Variants in GALM observed in about 807,000 individuals in gnomAD.
GALM encodes the protein aldose 1-epimerase.
Under a neutral mutation model 37.4 loss-of-function variants are expected in GALM, and 43 were observed. That is an observed-to-expected ratio of 1.15 (90% CI 0.90 to 1.48). The LOEUF (loss-of-function observed/expected upper bound fraction) is 1.48. Ranked by LOEUF, GALM falls within the 40% of genes most tolerant of loss-of-function variation. The pLI is 0.00. For missense variants in GALM, 456 were observed against 419.1 expected (o/e 1.09, Z -0.77); for synonymous variants, 199 against 170.6 (o/e 1.17, Z -1.30).
intron 4 of GALM, among the ~76,000 whole-genome samples, chr2:38,710,756 T>C (rs539305284): frequency 1.9e-4 from 29 of 149,716 alleles, no homozygotes; most frequent in African/African-American, 5.1e-4. Context: ...TTTCCTTCTT[T>C]TTTTTTTTTT....
chr2:38,722,090 C>A (rs373574478), intron 4 of GALM, among the ~76,000 whole-genome samples: 36 of 123,364 alleles, frequency 2.9e-4, no homozygotes, highest in African/African-American at 1.0e-3. Context: ...CCGGGTGAGG[C>A]GGCTCATGCC....
chr2:38,694,517 A>G (rs533499248), intron 4 of GALM, among the ~76,000 whole-genome samples: 20 of 152,294 alleles, frequency 1.3e-4, no homozygotes, highest in Non-Finnish European at 1.9e-4. Flanking sequence ...AGAGGAAGGA[A>G]GGAAAGGAAA....
At chr2:38,695,279 A>T (rs540306766) in intron 4 of GALM, among the ~76,000 whole-genome samples, 9 of 152,156 alleles carry the variant, frequency 5.9e-5, no homozygotes, top group South Asian at 2.1e-4. Context: ...AAAATTAGCC[A>T]ATCTCACAGC....
intron 6 of GALM, among the ~76,000 whole-genome samples, chr2:38,732,862 T>C (rs1426011304): frequency 1.4e-5 from 2 of 145,986 alleles, no homozygotes; most frequent in African/African-American, 5.2e-5. Flanking sequence ...AAGGCTGCAG[T>C]GAGCCATGAT....
intron 1 of GALM, among the ~76,000 whole-genome samples, chr2:38,670,263 C>T (rs541198718): frequency 5.3e-4 from 81 of 152,208 alleles, no homozygotes; most frequent in Non-Finnish European, 3.2e-4. Context: ...GTATAAACAA[C>T]CTACCCATAC....
chr2:38,678,468 A>AAAT (rs1665312851), intron 2 of GALM, among the ~76,000 whole-genome samples: 1 of 152,222 alleles, frequency 6.6e-6, no homozygotes, highest in African/African-American at 2.4e-5. Context: ...GTTTACACAA[A>AAAT]AATCTTTCCA....
At position 38,734,498 on chromosome 2, in the gene GALM, C is replaced by T. The variant is rs1454384546; in HGVS notation, c.*933C>T. ...TTTGGGTTAACTGAGAAAGCACAGC[C>T]CGGCCAACGCTTGGGAAGAAAGACA... On this transcript the variant is annotated 3_prime_UTR_variant, in exon 7 of 7. Transcript: ENST00000272252. The T allele has an allele frequency of 6.6e-6, 1 of 151,414 alleles. No individual in the cohort carries two copies. The highest frequency in any genetic ancestry group is 1.5e-5 in the Non-Finnish European group (1 of 68,030). The allele number at this position is 151,414 out of a possible 1,614,324, so 9.4% of individuals were successfully genotyped here.
chr2:38,683,731 T>A (rs1665457613), intron 3 of GALM, among the ~76,000 whole-genome samples: 1 of 152,152 alleles, frequency 6.6e-6, no homozygotes, highest in Non-Finnish European at 1.5e-5. Context: ...CACGCCCAGC[T>A]AATTTTTGTA....
chr2:38,673,299 C>T (rs544174229), intron 1 of GALM, among the ~76,000 whole-genome samples: 6 of 152,112 alleles, frequency 3.9e-5, no homozygotes, highest in East Asian at 1.9e-4. Context: ...CAGAGTACCA[C>T]GGGAAAAGGG....
At chr2:38,702,763 T>C (rs1665944552) in intron 4 of GALM, among the ~76,000 whole-genome samples, 1 of 151,572 alleles carries the variant, frequency 6.6e-6, no homozygotes, top group Non-Finnish European at 1.5e-5. Flanking sequence ...GCTAGAAAAC[T>C]AATCTATACT....
intron 3 of GALM, among the ~76,000 whole-genome samples, chr2:38,689,242 C>G (rs971517269): frequency 2.0e-5 from 3 of 152,218 alleles, no homozygotes; most frequent in Non-Finnish European, 4.4e-5. Flanking sequence ...GTACACCAGC[C>G]TTTGACTCCC....
At chr2:38,667,855 T>C (rs1462889150) in intron 1 of GALM, among the ~76,000 whole-genome samples, 2 of 152,130 alleles carry the variant, frequency 1.3e-5, no homozygotes, top group East Asian at 3.9e-4. Context: ...AAAAATATAC[T>C]CTAACCTTTC....
chr2:38,726,513 AC>A (rs1364435486), intron 4 of GALM, among the ~76,000 whole-genome samples: 1 of 151,912 alleles, frequency 6.6e-6, no homozygotes. Flanking sequence ...GGCATGAGCC[AC>A]CCCGCCTGGC....
intron 1 of GALM, among the ~76,000 whole-genome samples, chr2:38,673,004 C>T (rs749056289): frequency 2.0e-5 from 3 of 152,016 alleles, no homozygotes; most frequent in African/African-American, 4.8e-5. Flanking sequence ...AGCAAAACTC[C>T]GTCTCAAAAA....
intron 4 of GALM, among the ~76,000 whole-genome samples, chr2:38,698,597 G>A (rs1665857741): frequency 6.6e-6 from 1 of 151,952 alleles, no homozygotes; most frequent in Non-Finnish European, 1.5e-5. Context: ...TTGGGCATAT[G>A]AGTCCCTCTG....
chr2:38,724,407 A>T (rs1428261198), intron 4 of GALM, among the ~76,000 whole-genome samples: 1 of 152,238 alleles, frequency 6.6e-6, no homozygotes, highest in East Asian at 1.9e-4. Context: ...AGAAGAAATT[A>T]TGTTAGAGAA....
chr2:38,698,469 G>A, intron 4 of GALM: 1 of 1,144,054 alleles, frequency 8.7e-7, no homozygotes, highest in African/African-American at 1.6e-5. Flanking sequence ...GATGTTAGCA[G>A]TTAATTTAGC....
chr2:38,678,433 G>T (rs1473294914), intron 2 of GALM, among the ~76,000 whole-genome samples: 1 of 152,062 alleles, frequency 6.6e-6, no homozygotes, highest in African/African-American at 2.4e-5. Flanking sequence ...CCATAAATAG[G>T]AATTATGCTT....
At position 38,700,602 on chromosome 2, in the gene GALM, G is replaced by A. The variant is rs140427959; in HGVS notation, c.634+10708G>A. Among the ~76,000 whole-genome samples the A allele has an allele frequency of 8.3e-3, 1,261 of 151,896 alleles. 16 individuals carry two copies. The highest frequency in any genetic ancestry group is 0.024 in the African/African-American group (1,003 of 41,404). On this transcript the variant is annotated intron_variant, in intron 4 of 6. Transcript: ENST00000272252. ...TGGAATATCTTTTTCCACCCTTTCA[G>A]TCTATGTGTGTCGTTACAGATGAAG...
Sources: allele counts gnomAD v4.1 joint callset (sites outside exome capture counted in the v4.1 genomes callset), GRCh38; gene constraint gnomAD v4.1.1; transcripts MANE v1.5; gene names NCBI Gene and HGNC (gene_info 2026-07-23, HGNC 2026-07-21).